ZBED6: variants seen among roughly 807,000 people sequenced by gnomAD.
ZBED6 encodes zinc finger BED-type containing 6, also known as zinc finger BED domain-containing protein 6.
ZBED6 carries 40 observed loss-of-function variants against 58.4 expected under a neutral mutation model. That is an observed-to-expected ratio of 0.68 (90% confidence interval 0.53 to 0.89). ZBED6 has a LOEUF of 0.89. Ranked by LOEUF, ZBED6 falls within the 40% of genes least tolerant of loss-of-function variation. ZBED6 has a pLI of 0.00. For synonymous variants in ZBED6, 439 were observed against 350.6 expected, an observed-to-expected ratio of 1.25 and a Z score of -2.82; for missense variants, 1,057 against 1,003.9, an observed-to-expected ratio of 1.05 and a Z score of -0.71.
chr1:203,798,126 G>A, exon 1 of ZBED6: 1 of 1,536,130 alleles, frequency 6.5e-7, no homozygotes, highest in South Asian at 1.2e-5. Context: ...CTTTACCTTG[G>A]ATGTGTCTTT....
intron 11 of ZBED6, among the ~76,000 whole-genome samples, chr1:203,846,338 T>C (rs962978543): frequency 6.6e-6 from 1 of 152,160 alleles, no homozygotes; most frequent in East Asian, 1.9e-4. Context: ...TAGACAGATA[T>C]AGAACGATTA....
At chr1:203,796,811 C>T (rs1668668360) in exon 1 of ZBED6, 1 of 191,716 alleles carries the variant, frequency 5.2e-6, no homozygotes, top group South Asian at 1.9e-4. Context: ...CAGCATTTAA[C>T]CTTGTTTTAA....
At chr1:203,810,882 G>C (rs943608350) in intron 1 of ZBED6, among the ~76,000 whole-genome samples, 9 of 151,696 alleles carry the variant, frequency 5.9e-5, no homozygotes, top group African/African-American at 1.7e-4. Context: ...TGTAATCCCA[G>C]CACTTTGAGA....
intron 1 of ZBED6, among the ~76,000 whole-genome samples, chr1:203,804,203 G>A (rs865837448): frequency 7.3e-4 from 109 of 148,602 alleles, no homozygotes; most frequent in African/African-American, 2.4e-3. Flanking sequence ...CCAGGCTGGA[G>A]TGCAGTGGCG....
At chr1:203,834,694 C>T (rs572902416) in intron 9 of ZBED6, among the ~76,000 whole-genome samples, 14 of 151,662 alleles carry the variant, frequency 9.2e-5, no homozygotes, top group African/African-American at 2.7e-4. Flanking sequence ...CTGTCGCCCA[C>T]GCTGGCGTGC....
intron 1 of ZBED6, among the ~76,000 whole-genome samples, chr1:203,804,150 G>GTTTTTTTTTTTTTTTTTTTTTT (rs1209891980): frequency 7.6e-6 from 1 of 131,018 alleles, no homozygotes. Context: ...TCCTGTATAT[G>GTTTTTTTTTTTTTTTTTTTTTT]TGTTTTTTTT....
At chr1:203,815,246 G>A (rs1303484774) in intron 1 of ZBED6, among the ~76,000 whole-genome samples, 3 of 112,114 alleles carry the variant, frequency 2.7e-5, no homozygotes, top group African/African-American at 3.5e-5. Context: ...ACAGTGTCTC[G>A]CTCTGTTGCC....
exon 11 of ZBED6, chr1:203,840,308 C>G (rs755169309): frequency 5.0e-6 from 8 of 1,611,426 alleles, no homozygotes; most frequent in South Asian, 2.2e-5. Flanking sequence ...TTTCACAGCT[C>G]AAGTTTCCAA....
intron 1 of ZBED6, among the ~76,000 whole-genome samples, chr1:203,815,938 A>G (rs1373705637): frequency 6.6e-6 from 1 of 152,166 alleles, no homozygotes; most frequent in African/African-American, 2.4e-5. Context: ...GGACTAGGGG[A>G]GAAAATATTT....
chr1:203,830,925 ATTTTTTTTTTTTTTTTTTTTTTTTT>A (rs774771270), intron 7 of ZBED6, among the ~76,000 whole-genome samples: 1 of 51,352 alleles, frequency 1.9e-5, no homozygotes, highest in Admixed American at 2.9e-4. Flanking sequence ...CCAACCCCCA[ATTTTTTTTTTTTTTTTTTTTTTTTT>A]TTTTTTTTTT....
chr1:203,822,862 A>G (rs1679235750), intron 3 of ZBED6, among the ~76,000 whole-genome samples: 2 of 152,036 alleles, frequency 1.3e-5, no homozygotes, highest in African/African-American at 4.8e-5. Context: ...TCCCATCTGA[A>G]TGCCTGTCTC....
chr1:203,849,834 G>A, exon 14 of ZBED6: 1 of 1,614,004 alleles, frequency 6.2e-7, no homozygotes, highest in South Asian at 1.1e-5. Context: ...ACCTCTTCGG[G>A]GAGATGTAGC....
At chr1:203,812,046 A>G (rs988753383) in intron 1 of ZBED6, among the ~76,000 whole-genome samples, 3 of 152,014 alleles carry the variant, frequency 2.0e-5, no homozygotes, top group Admixed American at 6.6e-5. Flanking sequence ...TGAACTACTG[A>G]CCTCAAGTGA....
intron 3 of ZBED6, among the ~76,000 whole-genome samples, chr1:203,821,377 T>C (rs1678630900): frequency 6.6e-6 from 1 of 152,198 alleles, no homozygotes; most frequent in Non-Finnish European, 1.5e-5. Flanking sequence ...AATGGACTAA[T>C]ACATGTGGTT....
At chr1:203,798,609 C>T (rs1669464947) in exon 1 of ZBED6, 1 of 1,536,128 alleles carries the variant, frequency 6.5e-7, no homozygotes, top group Non-Finnish European at 8.7e-7. Context: ...AGCTGAGGAC[C>T]TTAGTGACTC....
At chr1:203,837,865 A>G (rs1684869453) in intron 9 of ZBED6, 101 bp from the exon 10 acceptor site, 3 of 1,086,002 alleles carry the variant, frequency 2.8e-6, no homozygotes. Context: ...TGTATGCAGA[A>G]CACTTAACAG....
chr1:203,845,160 G>C lies in ZBED6; in HGVS notation c.*3742-2024G>C, dbSNP rs1017927810. On this transcript the variant is annotated intron_variant, in intron 11 of 16. Coordinates refer to ENST00000550078, the Ensembl canonical transcript of ZBED6. ...CATTTTTCTGTAAATTCAGACATCT[G>C]CTTTCTGTTTTAGAAATTCTTCAAG... Among the ~76,000 whole-genome samples, 4 of 152,220 alleles carry C rather than the reference G, an allele frequency of 2.6e-5. 1 individual carries two copies. In the South Asian group the frequency reaches 8.3e-4, roughly 32 times the overall value.
intron 11 of ZBED6, 65 bp downstream of exon 11, chr1:203,840,439 C>T: frequency 6.6e-7 from 1 of 1,507,568 alleles, no homozygotes; most frequent in Non-Finnish European, 9.1e-7. Flanking sequence ...TTTGCTTTTT[C>T]TCAGATTTAC....
chr1:203,816,696 T>C (rs926690147), intron 1 of ZBED6, among the ~76,000 whole-genome samples: 3 of 152,130 alleles, frequency 2.0e-5, no homozygotes, highest in Admixed American at 6.6e-5. Context: ...GCTGTAACTG[T>C]GTAACAAGCA....
Sources: allele counts gnomAD v4.1 joint callset (sites outside exome capture counted in the v4.1 genomes callset), GRCh38; gene constraint gnomAD v4.1.1; transcripts MANE v1.5; gene names NCBI Gene and HGNC (gene_info 2026-07-23, HGNC 2026-07-21).